Variants in GRK5 observed in about 807,000 individuals in gnomAD.
GRK5 encodes the protein G protein-coupled receptor kinase 5.
A neutral mutation model predicts 78.4 loss-of-function variants in GRK5; 40 were observed. The observed-to-expected ratio is 0.51, with a 90% CI of 0.40 to 0.66. The LOEUF is 0.66. Among genes scored for constraint, GRK5 ranks in the 30% least tolerant of loss-of-function variants. The probability of loss-of-function intolerance (pLI) is 0.00; values close to 1 mark genes in which losing one functional copy is unlikely to be tolerated. For missense variants in GRK5, 598 were observed against 759.9 expected (o/e 0.79, Z 2.50); for synonymous variants, 289 against 296.8 (o/e 0.97, Z 0.27).
chr10:119,229,825 G>A (rs1404084968), intron 1 of GRK5, among the ~76,000 whole-genome samples: 2 of 152,202 alleles, frequency 1.3e-5, no homozygotes, highest in African/African-American at 4.8e-5. Context: ...GCTCTGTGAA[G>A]GAGGCTTTAT....
chr10:119,409,826 G>A (rs1395236787), intron 4 of GRK5, among the ~76,000 whole-genome samples: 2 of 152,080 alleles, frequency 1.3e-5, no homozygotes, highest in Non-Finnish European at 2.9e-5. Context: ...AAGGAAAGTT[G>A]GCGGGCCCTG....
At chr10:119,287,599 C>CT (rs1476936592) in intron 1 of GRK5, among the ~76,000 whole-genome samples, 3 of 152,064 alleles carry the variant, frequency 2.0e-5, no homozygotes, top group African/African-American at 7.2e-5. Context: ...CTTTTCTCTT[C>CT]TTTTTTTTCT....
intron 1 of GRK5, among the ~76,000 whole-genome samples, chr10:119,307,779 CT>C (rs1333128746): frequency 2.6e-4 from 40 of 152,260 alleles, no homozygotes; most frequent in Admixed American, 2.6e-3. Context: ...GTGGCGAGCC[CT>C]CCTTTCTGCA....
At chr10:119,226,307 A>ATTT (rs1848739617) in intron 1 of GRK5, among the ~76,000 whole-genome samples, 2 of 130,390 alleles carry the variant, frequency 1.5e-5, no homozygotes, top group Non-Finnish European at 3.3e-5. Context: ...TTTTTTTTTA[A>ATTT]TTTTAATTTT....
intron 2 of GRK5, among the ~76,000 whole-genome samples, chr10:119,360,700 T>C (rs1851348922): frequency 6.6e-6 from 1 of 152,118 alleles, no homozygotes; most frequent in Non-Finnish European, 1.5e-5. Flanking sequence ...CATGGTCAAG[T>C]GTTTGAGGCT....
At chr10:119,269,539 C>G (rs1277378078) in intron 1 of GRK5, among the ~76,000 whole-genome samples, 1 of 151,926 alleles carries the variant, frequency 6.6e-6, no homozygotes, top group African/African-American at 2.4e-5. Flanking sequence ...AGGGTCAAGA[C>G]TGATATAATG....
chr10:119,294,604 C>T (rs984702520), intron 1 of GRK5, among the ~76,000 whole-genome samples: 2 of 152,100 alleles, frequency 1.3e-5, no homozygotes, highest in African/African-American at 2.4e-5. Context: ...GGTCTAGACT[C>T]TGTGTGGCCA....
intron 9 of GRK5, among the ~76,000 whole-genome samples, chr10:119,437,746 T>C (rs137926220): frequency 1.3e-5 from 2 of 152,344 alleles, no homozygotes; most frequent in South Asian, 4.1e-4. Context: ...GAAACAAATA[T>C]ATAGATACAT....
At position 119,290,346 on chromosome 10, in the gene GRK5, C is replaced by CAAAAA. The variant is rs1220792004; in HGVS notation, c.53-36157_53-36153dup. Among the ~76,000 whole-genome samples, 10 of 39,974 alleles carry CAAAAA rather than the reference C, an allele frequency of 2.5e-4. 1 individual carries two copies. Among genetic ancestry groups the CAAAAA allele is most frequent in the East Asian group, 2.3e-3 (2 of 882 alleles). 26.2% of individuals were successfully genotyped at this position (39,974 alleles called of 152,430 possible). A position where few individuals can be genotyped will look rare whatever the true frequency, so the allele number is the denominator to read the frequency against. ...TGAGTGACAGAGCGAGATTCCGTCT[C>CAAAAA]AAAAAAAAAAAAAAAAACAAAAAAC... On this transcript the variant is annotated intron_variant, in intron 1 of 15. Transcript: ENST00000392870.
chr10:119,243,066 C>A (rs1261152969), intron 1 of GRK5, among the ~76,000 whole-genome samples: 1 of 152,184 alleles, frequency 6.6e-6, no homozygotes, highest in African/African-American at 2.4e-5. Flanking sequence ...TGATGAAACC[C>A]TGTCTCTACT....
intron 1 of GRK5, among the ~76,000 whole-genome samples, chr10:119,237,252 G>C (rs1452419572): frequency 6.6e-6 from 1 of 151,944 alleles, no homozygotes; most frequent in Admixed American, 6.6e-5. Flanking sequence ...TAGTAGAAAT[G>C]GGGTTTCATC....
At position 119,377,309 on chromosome 10, in the gene GRK5, G is replaced by A. The variant is rs144117877; in HGVS notation, c.149-3506G>A. Among the ~76,000 whole-genome samples, 206 of 152,266 alleles carry A rather than the reference G, an allele frequency of 1.4e-3. 1 individual carries two copies. The highest frequency in any genetic ancestry group is 4.5e-3 in the African/African-American group (188 of 41,534). On this transcript the variant is annotated intron_variant, in intron 2 of 15. Transcript: ENST00000392870. The stretch of plus-strand genomic sequence containing the variant: ...TTTCCAGAAGCAACCTATACCTCGG[G>A]TTTGCTCTTGATACATCAAGAACTT...
At chr10:119,298,682 G>A (rs187344384) in intron 1 of GRK5, among the ~76,000 whole-genome samples, 86 of 151,896 alleles carry the variant, frequency 5.7e-4, no homozygotes, top group Non-Finnish European at 9.1e-4. Flanking sequence ...AGCTTCTTCA[G>A]TGCACCCCCA....
intron 2 of GRK5, among the ~76,000 whole-genome samples, chr10:119,332,183 T>G (rs1347147045): frequency 2.6e-5 from 4 of 151,748 alleles, no homozygotes; most frequent in Non-Finnish European, 5.9e-5. Context: ...CTTGGTTCAG[T>G]GCAACCTCTG....
At chr10:119,367,650 A>G (rs1360108749) in intron 2 of GRK5, among the ~76,000 whole-genome samples, 1 of 152,246 alleles carries the variant, frequency 6.6e-6, no homozygotes, top group African/African-American at 2.4e-5. Flanking sequence ...GTATAACAGA[A>G]AGACAGGCTT....
At chr10:119,257,014 G>A (rs547680962) in intron 1 of GRK5, among the ~76,000 whole-genome samples, 7 of 152,302 alleles carry the variant, frequency 4.6e-5, no homozygotes, top group South Asian at 4.1e-4. Context: ...TTAATTTCAC[G>A]TAGCATAGTG....
At chr10:119,209,633 CCT>C (rs1327615656) in intron 1 of GRK5, among the ~76,000 whole-genome samples, 2 of 151,748 alleles carry the variant, frequency 1.3e-5, no homozygotes, top group Non-Finnish European at 2.9e-5. Flanking sequence ...CTCCCCCGCC[CCT>C]CTTTCAGCCT....
intron 2 of GRK5, among the ~76,000 whole-genome samples, chr10:119,350,633 A>G (rs1851173155): frequency 6.6e-6 from 1 of 152,222 alleles, no homozygotes; most frequent in Non-Finnish European, 1.5e-5. Context: ...TTATTTGTCC[A>G]GCGCAGAGAA....
At position 119,364,476 on chromosome 10, in the gene GRK5, A is replaced by G. The variant is rs758267831; in HGVS notation, c.149-16339A>G. 2.6e-5 allele frequency among the ~76,000 whole-genome samples: 4 copies of G among 152,182 alleles called. No homozygotes were observed. The East Asian group carries it at 7.7e-4, about 29-fold the overall frequency. On this transcript the variant is annotated intron_variant, in intron 2 of 15. Coordinates refer to ENST00000392870, the MANE Select transcript of GRK5 (RefSeq NM_005308.3). ...TGGTGGTGGTTGCTTGGGCCATGCC[A>G]TATACTTTCTGAATTTGGTTGCAGC...
Sources: gnomAD v4.1 joint callset for allele counts (sites outside exome capture counted in the v4.1 genomes callset) on GRCh38, gnomAD v4.1.1 for gene constraint, MANE v1.5 for transcripts, NCBI Gene and HGNC (gene_info 2026-07-23, HGNC 2026-07-21) for gene names.